SEMA5A: variants seen among roughly 807,000 people sequenced by gnomAD.
The protein encoded by SEMA5A is semaphorin 5A, also known as semaphorin-5A.
Under a neutral mutation model 135.5 loss-of-function variants are expected in SEMA5A, and 55 were observed. The ratio of observed to expected loss-of-function variants is 0.41; its 90% CI spans 0.33 to 0.51. The LOEUF (loss-of-function observed/expected upper bound fraction) is 0.51, where lower values mean the gene tolerates loss of function less well. Among genes scored for constraint, SEMA5A ranks in the 20% least tolerant of loss-of-function variants. The pLI is 0.37. For synonymous variants in SEMA5A, 580 were observed against 546.5 expected (o/e 1.06, Z -0.85); for missense variants, 1,290 against 1,419.9 (o/e 0.91, Z 1.47).
intron 5 of SEMA5A, among the ~76,000 whole-genome samples, chr5:9,307,409 CA>C (rs1255676959): frequency 2.0e-5 from 3 of 152,028 alleles, no homozygotes; most frequent in Admixed American, 6.6e-5. Context: ...TTCTGGATGA[CA>C]AATGGCTTAC....
At position 9,412,336 on chromosome 5, in the gene SEMA5A, C is replaced by T. The variant is rs1262817639; in HGVS notation, c.-78+25420G>A. Among the ~76,000 whole-genome samples the T allele has an allele frequency of 2.0e-5, 3 of 151,902 alleles. No individual in the cohort carries two copies. In the East Asian group the frequency reaches 5.8e-4, roughly 29 times the overall value. On this transcript the variant is annotated intron_variant, in intron 2 of 22. Transcript: ENST00000382496. ...TATAAAAACAAAATGTAGTCTACCA[C>T]TTATTAGATTATCCTATACCCAATA...
intron 21 of SEMA5A, among the ~76,000 whole-genome samples, chr5:9,049,417 G>A (rs1372569069): frequency 4.6e-5 from 7 of 152,090 alleles, no homozygotes; most frequent in East Asian, 1.9e-4. Context: ...TGCCTGCCTC[G>A]GCCTCCCAAA....
intron 15 of SEMA5A, among the ~76,000 whole-genome samples, chr5:9,110,330 G>A (rs1478186640): frequency 1.3e-5 from 2 of 152,156 alleles, no homozygotes; most frequent in Non-Finnish European, 2.9e-5. Flanking sequence ...CCTGAGATTC[G>A]AGGAGCTCCT....
intron 11 of SEMA5A, among the ~76,000 whole-genome samples, chr5:9,157,574 C>T (rs1480941901): frequency 1.3e-5 from 2 of 152,184 alleles, no homozygotes; most frequent in Non-Finnish European, 2.9e-5. Flanking sequence ...CCTGCAGCTT[C>T]CTCTACACCT....
intron 1 of SEMA5A, among the ~76,000 whole-genome samples, chr5:9,459,763 C>T (rs1182039403): frequency 1.3e-5 from 2 of 152,108 alleles, no homozygotes; most frequent in East Asian, 3.8e-4. Context: ...ATCATTAAAT[C>T]TCAAGTTGTT....
intron 11 of SEMA5A, among the ~76,000 whole-genome samples, chr5:9,185,093 A>G (rs1436105260): frequency 6.6e-6 from 1 of 152,150 alleles, no homozygotes; most frequent in Non-Finnish European, 1.5e-5. Flanking sequence ...ATACCTGCCT[A>G]ATTTTAAAAA....
chr5:9,047,794 T>A (rs964341171), intron 21 of SEMA5A, among the ~76,000 whole-genome samples: 6 of 152,128 alleles, frequency 3.9e-5, no homozygotes, highest in Admixed American at 1.3e-4. Context: ...AAAAAAAAAA[T>A]TCCATTCTGA....
chr5:9,432,450 CT>C (rs918390813), intron 2 of SEMA5A, among the ~76,000 whole-genome samples: 18 of 151,764 alleles, frequency 1.2e-4, no homozygotes, highest in Non-Finnish European at 2.4e-4. Context: ...TCAGCAAGCA[CT>C]TTTTTTTTCA....
At chr5:9,480,884 T>C (rs1024018091) in intron 1 of SEMA5A, among the ~76,000 whole-genome samples, 1 of 152,172 alleles carries the variant, frequency 6.6e-6, no homozygotes, top group Non-Finnish European at 1.5e-5. Context: ...TTTATTACTG[T>C]TAGTGATAAA....
At chr5:9,540,943 T>C (rs1018162992) in intron 1 of SEMA5A, among the ~76,000 whole-genome samples, 2 of 152,206 alleles carry the variant, frequency 1.3e-5, no homozygotes, top group African/African-American at 4.8e-5. Flanking sequence ...CTGCTGTGAT[T>C]CAGGAGAATA....
intron 16 of SEMA5A, among the ~76,000 whole-genome samples, chr5:9,083,710 A>G (rs1343710706): frequency 6.6e-6 from 1 of 152,208 alleles, no homozygotes; most frequent in Non-Finnish European, 1.5e-5. Context: ...TCAGACACCA[A>G]TGGTGAAAAT....
intron 2 of SEMA5A, among the ~76,000 whole-genome samples, chr5:9,393,170 T>C (rs943158042): frequency 6.6e-6 from 1 of 152,262 alleles, no homozygotes; most frequent in African/African-American, 2.4e-5. Context: ...TGTTCACTTC[T>C]GTATTTCAAA....
intron 11 of SEMA5A, among the ~76,000 whole-genome samples, chr5:9,178,856 G>A (rs971615858): frequency 1.3e-5 from 2 of 152,130 alleles, no homozygotes; most frequent in African/African-American, 4.8e-5. Flanking sequence ...GCAGTCAAGT[G>A]GGTCTTCTCA....
chr5:9,386,650 C>A (rs948068167), intron 2 of SEMA5A, among the ~76,000 whole-genome samples: 26 of 152,200 alleles, frequency 1.7e-4, no homozygotes, highest in Non-Finnish European at 2.9e-5. Flanking sequence ...TTCCAGAAAC[C>A]CAGATGGGAC....
chr5:9,522,292 G>C, intron 1 of SEMA5A, among the ~76,000 whole-genome samples: 1 of 152,158 alleles, frequency 6.6e-6, no homozygotes, highest in Non-Finnish European at 1.5e-5. Context: ...GCAAATAAGA[G>C]GAGAAGTAGG....
chr5:9,076,359 T>C (rs779790783), intron 16 of SEMA5A, among the ~76,000 whole-genome samples: 3 of 151,826 alleles, frequency 2.0e-5, no homozygotes, highest in African/African-American at 7.3e-5. Context: ...AAAAAGTTGA[T>C]CACATGGAGG....
chr5:9,091,256 G>C (rs1210508291), intron 16 of SEMA5A, among the ~76,000 whole-genome samples: 10 of 152,222 alleles, frequency 6.6e-5, no homozygotes, highest in African/African-American at 2.4e-4. Flanking sequence ...AAAACATGAA[G>C]TAAAAGATAG....
chr5:9,160,184 A>G (rs1743174756), intron 11 of SEMA5A, among the ~76,000 whole-genome samples: 1 of 152,172 alleles, frequency 6.6e-6, no homozygotes, highest in South Asian at 2.1e-4. Context: ...TGTTGTTGTT[A>G]AGAAGAAATA....
intron 5 of SEMA5A, among the ~76,000 whole-genome samples, chr5:9,313,574 A>G (rs1436047285): frequency 2.0e-5 from 3 of 152,144 alleles, no homozygotes; most frequent in Non-Finnish European, 2.9e-5. Context: ...TAATAATATC[A>G]TCTAATTCTG....
Sources: allele counts gnomAD v4.1 joint callset (sites outside exome capture counted in the v4.1 genomes callset), GRCh38; gene constraint gnomAD v4.1.1; transcripts MANE v1.5; gene names NCBI Gene and HGNC (gene_info 2026-07-23, HGNC 2026-07-21).